HTR2C: variants seen among roughly 807,000 people sequenced by gnomAD.
The protein encoded by HTR2C is 5-hydroxytryptamine receptor 2C.
HTR2C carries 5 observed loss-of-function variants against 21.0 expected under a neutral mutation model. The ratio of observed to expected loss-of-function variants is 0.24; its 90% CI spans 0.12 to 0.50. The LOEUF (loss-of-function observed/expected upper bound fraction) is 0.50. HTR2C is among the 20% of genes least tolerant of loss of function. The probability of loss-of-function intolerance (pLI) is 0.98; values close to 1 mark genes in which losing one functional copy is unlikely to be tolerated. For synonymous variants in HTR2C, 150 were observed against 145.3 expected (o/e 1.03, Z -0.23); for missense variants, 271 against 371.2 (o/e 0.73, Z 2.22).
intron 5 of HTR2C, among the ~76,000 whole-genome samples, chrX:114,891,749 G>T (rs965972000): frequency 1.8e-5 from 2 of 110,645 alleles, no homozygotes; most frequent in East Asian, 5.6e-4. Flanking sequence ...ATCATAGGAA[G>T]AGATCCTTCA....
At chrX:114,711,150 A>G (rs1257814139) in intron 2 of HTR2C, among the ~76,000 whole-genome samples, 1 of 111,788 alleles carries the variant, frequency 8.9e-6, no homozygotes, top group Non-Finnish European at 1.9e-5. Flanking sequence ...TTGCTTGCCT[A>G]TACAGATGGT....
chrX:114,901,116 A>C (rs1556485168), intron 5 of HTR2C, among the ~76,000 whole-genome samples: 2 of 112,507 alleles, frequency 1.8e-5, no homozygotes, highest in Admixed American at 9.4e-5. Flanking sequence ...AATGATTGTA[A>C]GACACTATGG....
chrX:114,633,967 G>T (rs1461404263), intron 2 of HTR2C, among the ~76,000 whole-genome samples: 1 of 107,760 alleles, frequency 9.3e-6, no homozygotes, highest in Non-Finnish European at 1.9e-5. Context: ...GAGAGAGATG[G>T]TAGGTAAATG....
At chrX:114,724,823 T>G (rs1269878988) in intron 2 of HTR2C, among the ~76,000 whole-genome samples, 4 of 102,685 alleles carry the variant, frequency 3.9e-5, no homozygotes, top group Admixed American at 2.2e-4. Context: ...TTCCTTTCTT[T>G]AAGAATGTTG....
At chrX:114,706,735 AAG>A (rs1252304904) in intron 2 of HTR2C, among the ~76,000 whole-genome samples, 2 of 110,380 alleles carry the variant, frequency 1.8e-5, no homozygotes, top group Admixed American at 9.8e-5. Flanking sequence ...AATAATAAAA[AAG>A]AATGAAAAAA....
intron 2 of HTR2C, chrX:114,639,333 G>A (rs1929996217): frequency 8.8e-6 from 1 of 113,087 alleles, no homozygotes; most frequent in Admixed American, 9.6e-5. Context: ...CATGATCAAT[G>A]TATGGATGTG....
At chrX:114,752,847 G>T (rs930722024) in intron 4 of HTR2C, among the ~76,000 whole-genome samples, 5 of 109,859 alleles carry the variant, frequency 4.6e-5, no homozygotes, top group African/African-American at 1.7e-4. Context: ...ATATTTCTAA[G>T]TTCCATAGTA....
At position 114,907,189 on chromosome X, in the gene HTR2C, G is replaced by A. The variant is rs782297351; in HGVS notation, c.1151G>A (p.Arg384His). 1 of 1,210,659 alleles carries A rather than the reference G, an allele frequency of 8.3e-7. No individual in the cohort carries two copies. The highest frequency in any genetic ancestry group is 2.2e-5 in the Admixed American group (1 of 45,950). ...IYRRAFSNYLRCNYKVEKKPP... is the reference protein window; with the variant it reads ...IYRRAFSNYLHCNYKVEKKPP... ...CGAAGGGCATTCTCCAACTATTTGC[G>A]TTGCAATTATAAGGTAGAGAAAAAG... Residue 384 changes from arginine (R) to histidine (H), a missense_variant, in exon 6 of 6, where the codon CGT (arginine) becomes CAT (histidine). Physicochemically the swap from Arg to His is conservative, Grantham distance 29 (BLOSUM62 0). Coordinates refer to ENST00000276198, the MANE Select transcript of HTR2C (RefSeq NM_000868.4).
chrX:114,628,193 C>T (rs1556403298), intron 2 of HTR2C, among the ~76,000 whole-genome samples: 1 of 110,814 alleles, frequency 9.0e-6, no homozygotes, highest in Non-Finnish European at 1.9e-5. Context: ...CTATTTTATG[C>T]CTAACAAAGG....
At chrX:114,903,765 C>G (rs1197849670) in intron 5 of HTR2C, among the ~76,000 whole-genome samples, 1 of 112,247 alleles carries the variant, frequency 8.9e-6, no homozygotes. Flanking sequence ...TCTATGAATA[C>G]TTAGAATATA....
At chrX:114,593,314 T>C (rs1602622210) in intron 1 of HTR2C, among the ~76,000 whole-genome samples, 1 of 111,763 alleles carries the variant, frequency 8.9e-6, no homozygotes, top group South Asian at 3.8e-4. Context: ...AAAGCTGACC[T>C]TGAACTCCTG....
At chrX:114,757,739 GC>G (rs1401464964) in intron 4 of HTR2C, among the ~76,000 whole-genome samples, 1 of 111,779 alleles carries the variant, frequency 8.9e-6, no homozygotes, top group African/African-American at 3.2e-5. Flanking sequence ...TTCAAATTTT[GC>G]TAACAGAATT....
At chrX:114,653,254 A>G (rs889817944) in intron 2 of HTR2C, among the ~76,000 whole-genome samples, 18 of 110,628 alleles carry the variant, frequency 1.6e-4, no homozygotes, top group Middle Eastern at 9.3e-3. Context: ...ATTAAAAATT[A>G]ATTTAAATAA....
chrX:114,603,804 G>A (rs1372993872), intron 1 of HTR2C, among the ~76,000 whole-genome samples: 2 of 87,567 alleles, frequency 2.3e-5, no homozygotes, highest in Non-Finnish European at 4.4e-5. Context: ...ACAGAATAAT[G>A]GGTTGTAGAG....
intron 5 of HTR2C, among the ~76,000 whole-genome samples, chrX:114,871,636 G>GTTTT (rs35992234): frequency 4.9e-5 from 5 of 101,286 alleles, no homozygotes; most frequent in Admixed American, 1.1e-4. Context: ...ATCTTCATCT[G>GTTTT]TTTTTTTTTT....
intron 5 of HTR2C, among the ~76,000 whole-genome samples, chrX:114,882,079 A>G (rs2071185931): frequency 9.0e-6 from 1 of 110,802 alleles, no homozygotes; most frequent in East Asian, 2.8e-4. Flanking sequence ...GGTTAAAATT[A>G]TCCCTAAGTA....
At position 114,728,019 on chromosome X, in the gene HTR2C, G is replaced by A. The variant is rs139487114; in HGVS notation, c.35+1048G>A. Among the ~76,000 whole-genome samples the A allele has an allele frequency of 3.1e-3, 342 of 111,865 alleles. 3 individuals are homozygous for A. The highest frequency in any genetic ancestry group is 0.019 in the Middle Eastern group (4 of 213). On this transcript the variant is annotated intron_variant, in intron 3 of 5. Transcript: ENST00000276198. ...CCATATACCAAAGTGTAGGACTGCC[G>A]TAAAGGGCACCAAATTATTCTGCTA...
At chrX:114,735,425 G>T (rs1365309492) in intron 4 of HTR2C, among the ~76,000 whole-genome samples, 1 of 111,545 alleles carries the variant, frequency 9.0e-6, no homozygotes, top group African/African-American at 3.3e-5. Context: ...CAAAAAGACT[G>T]ATGATAAACA....
chrX:114,608,586 A>C (rs1328170299), intron 1 of HTR2C, among the ~76,000 whole-genome samples: 3 of 111,832 alleles, frequency 2.7e-5, no homozygotes, highest in African/African-American at 9.7e-5. Context: ...AGATTTAGGC[A>C]ATAGGGTCTT....
Sources: gnomAD v4.1 joint callset for allele counts (sites outside exome capture counted in the v4.1 genomes callset) on GRCh38, gnomAD v4.1.1 for gene constraint, MANE v1.5 for transcripts, NCBI Gene and HGNC (gene_info 2026-07-23, HGNC 2026-07-21) for gene names.